The following FHIT variants were observed in gnomAD, a reference collection of about 807,000 sequenced individuals.
FHIT encodes fragile histidine triad diadenosine triphosphatase.
A neutral mutation model predicts 17.9 loss-of-function variants in FHIT; 19 were observed. That is an observed-to-expected ratio of 1.06 (90% CI 0.74 to 1.56). The LOEUF is 1.56. Ranked by LOEUF, FHIT falls within the 40% of genes most tolerant of loss-of-function variation. The pLI is 0.00. For missense variants in FHIT, 248 were observed against 189.2 expected (o/e 1.31, Z -1.82); for synonymous variants, 81 against 69.7 (o/e 1.16, Z -0.81).
At chr3:60,241,388 G>C (rs573003939) in intron 5 of FHIT, among the ~76,000 whole-genome samples, 2 of 152,062 alleles carry the variant, frequency 1.3e-5, no homozygotes, top group African/African-American at 2.4e-5. Flanking sequence ...TAAAAATCTT[G>C]AATTTTCTAG....
intron 5 of FHIT, among the ~76,000 whole-genome samples, chr3:60,060,360 T>C (rs570904434): frequency 1.3e-5 from 2 of 152,350 alleles, no homozygotes; most frequent in East Asian, 3.9e-4. Flanking sequence ...TAAGGATCAC[T>C]AAATCCTGTG....
chr3:61,117,679 A>G (rs901016228), intron 2 of FHIT, among the ~76,000 whole-genome samples: 3 of 152,216 alleles, frequency 2.0e-5, no homozygotes, highest in Non-Finnish European at 4.4e-5. Flanking sequence ...GCCTCAGTGC[A>G]ATGTCATCTC....
rs144191272 is a variant in FHIT, at chr3:60,280,759, C to T, written c.103+256101G>A. The stretch of plus-strand genomic sequence containing the variant: ...GTCTGTAATAATTTGATATAGCAAG[C>T]TACTGAGAACAAGGCAAGATTTTCC... On this transcript the variant is annotated intron_variant, in intron 5 of 9. Transcript: ENST00000492590. 3.5e-3 allele frequency among the ~76,000 whole-genome samples: 526 copies of T among 152,180 alleles called. 5 individuals carry two copies. The highest frequency in any genetic ancestry group is 0.012 in the African/African-American group (511 of 41,524).
At chr3:60,629,471 A>T (rs1284876140) in intron 4 of FHIT, among the ~76,000 whole-genome samples, 2 of 152,198 alleles carry the variant, frequency 1.3e-5, no homozygotes, top group Non-Finnish European at 2.9e-5. Flanking sequence ...GGAACACCTT[A>T]TTCTGCCATT....
intron 7 of FHIT, among the ~76,000 whole-genome samples, chr3:60,006,253 C>G (rs1559542221): frequency 6.6e-6 from 1 of 152,108 alleles, no homozygotes; most frequent in African/African-American, 2.4e-5. Context: ...TTTATAAGTT[C>G]AGATAAGATA....
At chr3:61,045,482 C>G (rs2107703124) in intron 2 of FHIT, among the ~76,000 whole-genome samples, 1 of 152,296 alleles carries the variant, frequency 6.6e-6, no homozygotes, top group East Asian at 1.9e-4. Context: ...CACCCAGATT[C>G]ATAAAGCAAG....
intron 5 of FHIT, among the ~76,000 whole-genome samples, chr3:60,328,690 A>G (rs1201436562): frequency 6.6e-6 from 1 of 152,196 alleles, no homozygotes; most frequent in Non-Finnish European, 1.5e-5. Context: ...CAGATTCCAT[A>G]CACTTGACAT....
chr3:59,863,939 T>C (rs894149918), intron 8 of FHIT, among the ~76,000 whole-genome samples: 4 of 152,146 alleles, frequency 2.6e-5, no homozygotes, highest in African/African-American at 9.7e-5. Context: ...CCCTGCTCCC[T>C]TGAAATTAGA....
chr3:60,278,007 T>C (rs1193487622), intron 5 of FHIT, among the ~76,000 whole-genome samples: 2 of 152,082 alleles, frequency 1.3e-5, no homozygotes, highest in African/African-American at 2.4e-5. Context: ...ATCCCCAAAT[T>C]TGGAGAAACA....
At chr3:60,701,529 C>T (rs562050469) in intron 4 of FHIT, among the ~76,000 whole-genome samples, 2 of 151,872 alleles carry the variant, frequency 1.3e-5, no homozygotes, top group East Asian at 1.9e-4. Flanking sequence ...CACAGGGAGT[C>T]GAAGCTGTCC....
intron 5 of FHIT, among the ~76,000 whole-genome samples, chr3:60,026,998 C>G (rs1700765462): frequency 6.6e-6 from 1 of 151,876 alleles, no homozygotes; most frequent in Non-Finnish European, 1.5e-5. Context: ...ACTCGGAAAG[C>G]TGAGGCAGGA....
chr3:60,505,368 G>T (rs559141894), intron 5 of FHIT, among the ~76,000 whole-genome samples: 1 of 152,286 alleles, frequency 6.6e-6, no homozygotes, highest in Admixed American at 6.5e-5. Context: ...TTCAGCATCT[G>T]TGTAAAGGGC....
chr3:59,952,858 TTGTGGACAGCTG>T (rs1707189879), intron 7 of FHIT, among the ~76,000 whole-genome samples: 1 of 152,096 alleles, frequency 6.6e-6, no homozygotes, highest in South Asian at 2.1e-4. Context: ...GATGCTCCCC[TTGTGGACAGCTG>T]TGTGGGACGG....
intron 3 of FHIT, among the ~76,000 whole-genome samples, chr3:61,038,939 C>G (rs915156765): frequency 1.3e-5 from 2 of 152,132 alleles, no homozygotes; most frequent in African/African-American, 4.8e-5. Context: ...GCCATGGGCT[C>G]TGAACAACTC....
At chr3:60,484,261 G>A (rs906978243) in intron 5 of FHIT, among the ~76,000 whole-genome samples, 2 of 152,078 alleles carry the variant, frequency 1.3e-5, no homozygotes, top group African/African-American at 4.8e-5. Flanking sequence ...GTAATTTACA[G>A]ATTCAATGTT....
intron 4 of FHIT, among the ~76,000 whole-genome samples, chr3:60,619,262 A>G (rs1553677306): frequency 6.6e-6 from 1 of 152,202 alleles, no homozygotes; most frequent in Non-Finnish European, 1.5e-5. Flanking sequence ...ATGTGCGCAT[A>G]AAAAACTAAA....
intron 8 of FHIT, among the ~76,000 whole-genome samples, chr3:59,881,279 G>A (rs1703399697): frequency 6.6e-6 from 1 of 152,086 alleles, no homozygotes; most frequent in African/African-American, 2.4e-5. Context: ...ATAACCATAT[G>A]TATGATTTTT....
intron 3 of FHIT, among the ~76,000 whole-genome samples, chr3:61,029,434 T>G (rs1031685321): frequency 1.3e-5 from 2 of 152,192 alleles, no homozygotes; most frequent in African/African-American, 4.8e-5. Flanking sequence ...ATTGATGAGA[T>G]TTTTTTACTG....
At chr3:60,865,144 G>C (rs189241192) in intron 3 of FHIT, among the ~76,000 whole-genome samples, 1 of 152,220 alleles carries the variant, frequency 6.6e-6, no homozygotes, top group Admixed American at 6.5e-5. Context: ...GTACCTAAGA[G>C]GGAATGCATG....
Sources: gnomAD v4.1 joint callset for allele counts (sites outside exome capture counted in the v4.1 genomes callset) on GRCh38, gnomAD v4.1.1 for gene constraint, MANE v1.5 for transcripts, NCBI Gene and HGNC (gene_info 2026-07-23, HGNC 2026-07-21) for gene names.